AKAP9: variants seen among roughly 807,000 people sequenced by gnomAD.
The protein encoded by AKAP9 is A-kinase anchoring protein 9, also known as A-kinase anchor protein 9.
In AKAP9, 311 loss-of-function variants were observed where a neutral mutation model predicts 488.5. The observed-to-expected ratio is 0.64, with a 90% CI of 0.58 to 0.70. The LOEUF is 0.70. Among genes scored for constraint, AKAP9 ranks in the 30% least tolerant of loss-of-function variants. AKAP9 has a pLI of 0.00. For synonymous variants in AKAP9, 1,462 were observed against 1,483.5 expected, an observed-to-expected ratio of 0.99 and a Z score of 0.33; for missense variants, 4,215 against 4,374.5, an observed-to-expected ratio of 0.96 and a Z score of 1.03.
Position 92,044,996 on chromosome 7 carries a change from TTATC to T in AKAP9, c.5163-8_5163-5del, listed in dbSNP as rs1349528115. On this transcript the variant is annotated splice_region_variant and splice_polypyrimidine_tract_variant and intron_variant, in intron 20 of 49. Transcript: ENST00000356239. ...ATTAAACATTTTAATCAGTGCTTCTTTATCTATACAGGTATGCACTCCAGAAAGC... is the reference window on the plus strand; with the variant it reads ...ATTAAACATTTTAATCAGTGCTTCTTTATACAGGTATGCACTCCAGAAAGC... 6.3e-7 allele frequency: 1 copy of T among 1,592,104 alleles called. No homozygotes were observed. Among genetic ancestry groups the T allele is most frequent in the Non-Finnish European group, 8.6e-7 (1 of 1,160,184 alleles).
Position 92,001,742 on chromosome 7 carries a change from G to A in AKAP9, c.1825G>A (p.Ala609Thr). 6.2e-7 allele frequency: 1 copy of A among 1,613,028 alleles called. No individual in the cohort carries two copies. The highest frequency in any genetic ancestry group is 8.5e-7 in the Non-Finnish European group (1 of 1,179,750). Residue 609 changes from alanine (A) to threonine (T), a missense_variant, in exon 8 of 50, where the codon GCT becomes ACT. Coordinates refer to ENST00000356239, the MANE Select transcript of AKAP9 (RefSeq NM_005751.5). ...KLEMLEKEKN[A>T]VLDRMAESQE... ...TGAAATGTTAGAAAAAGAAAAGAAT[G>A]CTGTGTTAGACAGAATGGCTGAATC...
intron 2 of AKAP9, among the ~76,000 whole-genome samples, chr7:91,974,994 G>A (rs1456624796): frequency 6.6e-6 from 1 of 151,744 alleles, no homozygotes; most frequent in Admixed American, 6.6e-5. Flanking sequence ...GGGACCACAG[G>A]TGCATGCTAC....
Position 92,098,154 on chromosome 7 carries a change from G to C in AKAP9, c.10653G>C (p.Gln3551His), listed in dbSNP as rs2130904180. 6.2e-7 allele frequency: 1 copy of C among 1,612,962 alleles called. No homozygotes were observed. Among genetic ancestry groups the C allele is most frequent in the Admixed American group, 1.7e-5 (1 of 59,998 alleles). Residue 3551 changes from glutamine (Q) to histidine (H), a missense_variant, in exon 43 of 50, where the codon CAG becomes CAC. Gln to His is a conservative substitution (Grantham distance 24). This residue lies in a region of AKAP9 where 1,476 missense variants were observed against 1,477.4 expected (regional missense o/e 1.00). Coordinates refer to ENST00000356239, the MANE Select transcript of AKAP9 (RefSeq NM_005751.5). ...ATGATGAAGATTTCATTTGGGTTCA[G>C]GAAAATATTGATGAAATTATTTTAC... is the stretch of plus-strand genomic sequence containing the variant. Reference protein sequence around the residue: ...TADDEDFIWVQENIDEIILQL... With the variant: ...TADDEDFIWVHENIDEIILQL...
chr7:92,006,374 C>T (rs181376871), intron 8 of AKAP9, among the ~76,000 whole-genome samples: 78 of 152,192 alleles, frequency 5.1e-4, no homozygotes, highest in Admixed American at 3.2e-3. Context: ...TGGTCTCAAA[C>T]TTCTGGGCTT....
chr7:92,080,658 C>G (rs1276152147), intron 31 of AKAP9, among the ~76,000 whole-genome samples: 1 of 151,604 alleles, frequency 6.6e-6, no homozygotes, highest in African/African-American at 2.4e-5. Context: ...TTTATTTGAA[C>G]AAAAAAGGAT....
At chr7:92,109,031 G>T in intron 49 of AKAP9, 1 of 266,644 alleles carries the variant, frequency 3.8e-6, no homozygotes, top group Non-Finnish European at 7.2e-6. Context: ...GGGCAGCAGA[G>T]CGAGACCCTG....
chr7:91,979,699 C>T (rs991933285), intron 2 of AKAP9, among the ~76,000 whole-genome samples: 4 of 152,142 alleles, frequency 2.6e-5, no homozygotes, highest in Admixed American at 6.6e-5. Flanking sequence ...TGCATACTGC[C>T]ATAATGTATG....
intron 14 of AKAP9, among the ~76,000 whole-genome samples, chr7:92,028,885 A>G (rs901491601): frequency 2.0e-5 from 3 of 152,174 alleles, no homozygotes; most frequent in African/African-American, 7.2e-5. Context: ...ATTGTTTGTA[A>G]CAGTGAACAG....
chr7:92,075,847 T>C (rs1812499147), intron 28 of AKAP9, among the ~76,000 whole-genome samples: 1 of 152,246 alleles, frequency 6.6e-6, no homozygotes, highest in Non-Finnish European at 1.5e-5. Flanking sequence ...TGTTCAGATA[T>C]GGTTCTCAGT....
chr7:92,038,871 G>A (rs1318688727), intron 17 of AKAP9, 99 bp downstream of exon 17: 2 of 840,166 alleles, frequency 2.4e-6, no homozygotes, highest in Admixed American at 5.4e-5. Flanking sequence ...TTTGGAGGAG[G>A]AAAATATCAA....
At position 92,093,325 on chromosome 7, in the gene AKAP9, G is replaced by T. The variant is rs773058892; in HGVS notation, c.9578+9G>T. 5 of 1,612,804 alleles carry T rather than the reference G, an allele frequency of 3.1e-6. No homozygotes were observed. The highest frequency in any genetic ancestry group is 4.2e-6 in the Non-Finnish European group (5 of 1,179,360). Reference sequence around the variant, plus strand: ...GAATTGGAGGCTTTCAGGTGTGCCAGGCTTCCTTATTAAAAACATGTAACA... The same window carrying T: ...GAATTGGAGGCTTTCAGGTGTGCCATGCTTCCTTATTAAAAACATGTAACA... On this transcript the variant is annotated intron_variant, in intron 39 of 49. Coordinates refer to ENST00000356239, the MANE Select transcript of AKAP9 (RefSeq NM_005751.5).
intron 35 of AKAP9, 90 bp from the exon 36 acceptor site, chr7:92,085,405 C>A: frequency 1.6e-6 from 2 of 1,288,948 alleles, no homozygotes; most frequent in Non-Finnish European, 2.2e-6. Flanking sequence ...TGCAAGCTAT[C>A]TTGCTTAAAA....
chr7:92,097,023 A>C lies in AKAP9; in HGVS notation c.10064A>C (p.Lys3355Thr). Residue 3355 changes from lysine (K) to threonine (T), a missense_variant, in exon 41 of 50, where the codon AAA becomes ACA. Coordinates refer to ENST00000356239, the MANE Select transcript of AKAP9 (RefSeq NM_005751.5). ...GAGCTGCAGAAACAGCTAGAGGAAAAACACAGTCGCATAGTAGAATTGTTA... is the reference window on the plus strand; with the variant it reads ...GAGCTGCAGAAACAGCTAGAGGAAACACACAGTCGCATAGTAGAATTGTTA... ...LKELQKQLEE[K>T]HSRIVELLNE... 1 of 1,614,244 alleles carries C rather than the reference A, an allele frequency of 6.2e-7. No individual in the cohort carries two copies. The highest frequency in any genetic ancestry group is 8.5e-7 in the Non-Finnish European group (1 of 1,180,038).
At chr7:92,093,041 TA>T in intron 38 of AKAP9, 55 bp from the exon 39 acceptor site, 1 of 1,451,332 alleles carries the variant, frequency 6.9e-7, no homozygotes, top group Non-Finnish European at 9.6e-7. Flanking sequence ...CAAATATTTA[TA>T]AACCAAATAT....
At chr7:91,973,665 A>G in intron 1 of AKAP9, 46 bp from the exon 2 acceptor site, 2 of 1,594,670 alleles carry the variant, frequency 1.3e-6, no homozygotes, top group Non-Finnish European at 1.7e-6. Flanking sequence ...GGTGGCAATA[A>G]AGAAAAATTA....
chr7:91,999,692 C>G (rs1246403703), intron 7 of AKAP9, among the ~76,000 whole-genome samples: 1 of 152,182 alleles, frequency 6.6e-6, no homozygotes, highest in Non-Finnish European at 1.5e-5. Context: ...GATGGGAATT[C>G]TTAAATGCTG....
intron 31 of AKAP9, 121 bp downstream of exon 31, chr7:92,080,273 AT>A: frequency 1.2e-6 from 1 of 843,218 alleles, no homozygotes; most frequent in East Asian, 2.8e-5. Context: ...TTTTATAAAA[AT>A]ATACCACTTA....
At chr7:91,982,267 G>A (rs1796526787) in intron 3 of AKAP9, among the ~76,000 whole-genome samples, 1 of 152,000 alleles carries the variant, frequency 6.6e-6, no homozygotes, top group Non-Finnish European at 1.5e-5. Flanking sequence ...AGGTATACAT[G>A]TTCCATGCTG....
intron 12 of AKAP9, among the ~76,000 whole-genome samples, chr7:92,017,581 A>C (rs1166974781): frequency 6.6e-6 from 1 of 152,180 alleles, no homozygotes; most frequent in East Asian, 1.9e-4. Flanking sequence ...TTATCAGTAA[A>C]ACAACTTAAG....
Sources: allele counts gnomAD v4.1 joint callset (sites outside exome capture counted in the v4.1 genomes callset), GRCh38; gene constraint gnomAD v4.1.1; regional missense constraint gnomAD v4.1.1; transcripts MANE v1.5; gene names NCBI Gene and HGNC (gene_info 2026-07-23, HGNC 2026-07-21).